SCAPER: variants seen among roughly 807,000 people sequenced by gnomAD.
SCAPER encodes S phase cyclin A-associated protein in the endoplasmic reticulum.
A neutral mutation model predicts 182.2 loss-of-function variants in SCAPER; 98 were observed. The ratio of observed to expected loss-of-function variants is 0.54; its 90% confidence interval spans 0.46 to 0.64. The LOEUF is 0.64. Among genes scored for constraint, SCAPER ranks in the 30% least tolerant of loss-of-function variants. SCAPER has a pLI of 0.00. For synonymous variants in SCAPER, 605 were observed against 564.6 expected (o/e 1.07, Z -1.01); for missense variants, 1,432 against 1,690.0 (o/e 0.85, Z 2.68).
intron 5 of SCAPER, among the ~76,000 whole-genome samples, chr15:76,805,618 G>GGC (rs1331788033): frequency 6.8e-6 from 1 of 147,470 alleles, no homozygotes; most frequent in Non-Finnish European, 1.5e-5. Flanking sequence ...GGAGTGCAGT[G>GGC]GCGTGATCTC....
chr15:76,681,970 C>G (rs1407422547), intron 20 of SCAPER, among the ~76,000 whole-genome samples: 1 of 152,186 alleles, frequency 6.6e-6, no homozygotes, highest in African/African-American at 2.4e-5. Context: ...CCATGAGACA[C>G]AGGCAGTCCC....
At chr15:76,789,281 T>C (rs560282267) in intron 8 of SCAPER, among the ~76,000 whole-genome samples, 3 of 152,008 alleles carry the variant, frequency 2.0e-5, no homozygotes, top group Non-Finnish European at 4.4e-5. Flanking sequence ...AAACCACACA[T>C]ACCAAGAGGA....
Position 76,348,500 on chromosome 15 carries a change from A to G in SCAPER, c.*133T>C. On this transcript the variant is annotated 3_prime_UTR_variant, in exon 32 of 32. Coordinates refer to ENST00000563290, the MANE Select transcript of SCAPER (RefSeq NM_020843.4). ...TCTACAGTCATTATAAATAGTGTAA[A>G]GTACATGCCATATCTACAGTGTGGG... The G allele has an allele frequency of 1.8e-6, 1 of 559,880 alleles. No homozygotes were observed. The highest frequency in any genetic ancestry group is 3.1e-6 in the Non-Finnish European group (1 of 320,552). The allele number at this position is 559,880 out of a possible 1,614,324, so 34.7% of individuals were successfully genotyped here.
intron 2 of SCAPER, among the ~76,000 whole-genome samples, chr15:76,862,784 T>G (rs2071980137): frequency 1.3e-5 from 2 of 152,152 alleles, no homozygotes; most frequent in South Asian, 4.1e-4. Context: ...AAAAGTGGCC[T>G]AAAGAGCACC....
At position 76,359,878 on chromosome 15, in the gene SCAPER, A is replaced by T. The variant is rs1311084369; in HGVS notation, c.3856-5738T>A. On this transcript the variant is annotated intron_variant, in intron 29 of 31. Coordinates refer to ENST00000563290, the MANE Select transcript of SCAPER (RefSeq NM_020843.4). ...TTACTGGAATGAATGAAATAAAGTG[A>T]CAGGGGGCCCCTAGTTAACAAACTA... 2.0e-5 allele frequency among the ~76,000 whole-genome samples: 3 copies of T among 152,328 alleles called. No individual in the cohort carries two copies. In the East Asian group the frequency reaches 5.8e-4, roughly 29 times the overall value.
chr15:76,713,588 A>G (rs962333024), intron 17 of SCAPER, among the ~76,000 whole-genome samples: 2 of 151,474 alleles, frequency 1.3e-5, no homozygotes, highest in African/African-American at 4.9e-5. Flanking sequence ...ATGAGAACAC[A>G]TGGACACAGG....
intron 8 of SCAPER, among the ~76,000 whole-genome samples, chr15:76,778,271 GGAGA>G (rs1301057337): frequency 6.6e-6 from 1 of 152,088 alleles, no homozygotes; most frequent in African/African-American, 2.4e-5. Flanking sequence ...TTTTAAAAAT[GGAGA>G]GAGTTAAGGA....
At chr15:76,880,439 G>A (rs1019205652) in intron 2 of SCAPER, among the ~76,000 whole-genome samples, 5 of 152,170 alleles carry the variant, frequency 3.3e-5, no homozygotes, top group African/African-American at 1.2e-4. Context: ...GTAGGCTTAT[G>A]GGAAATGTAC....
At chr15:76,691,511 G>C (rs1484102599) in intron 20 of SCAPER, among the ~76,000 whole-genome samples, 1 of 151,986 alleles carries the variant, frequency 6.6e-6, no homozygotes, top group African/African-American at 2.4e-5. Context: ...GAGAAATATG[G>C]CAATTTTGAA....
At chr15:76,780,634 C>A (rs926094651) in intron 8 of SCAPER, among the ~76,000 whole-genome samples, 2 of 152,200 alleles carry the variant, frequency 1.3e-5, no homozygotes, top group Non-Finnish European at 2.9e-5. Flanking sequence ...TAGGGGCCAA[C>A]AGACACCTCA....
intron 27 of SCAPER, among the ~76,000 whole-genome samples, chr15:76,391,536 C>A (rs2043697073): frequency 6.6e-6 from 1 of 152,068 alleles, no homozygotes; most frequent in African/African-American, 2.4e-5. Flanking sequence ...GCAAGGCATG[C>A]CAAAGGAATG....
At chr15:76,698,129 T>A (rs1451495793) in intron 20 of SCAPER, among the ~76,000 whole-genome samples, 1 of 152,042 alleles carries the variant, frequency 6.6e-6, no homozygotes, top group African/African-American at 2.4e-5. Flanking sequence ...CTATTCTCTC[T>A]TAAACTACTC....
At chr15:76,550,250 T>C (rs1390624163) in intron 23 of SCAPER, among the ~76,000 whole-genome samples, 2 of 152,310 alleles carry the variant, frequency 1.3e-5, no homozygotes, top group East Asian at 1.9e-4. Context: ...GTCTGTTACA[T>C]AGGTAAGTGT....
chr15:76,858,517 G>A (rs571923301), intron 3 of SCAPER, among the ~76,000 whole-genome samples: 9 of 151,898 alleles, frequency 5.9e-5, no homozygotes, highest in African/African-American at 2.2e-4. Flanking sequence ...TGCTATACAG[G>A]CAAATTACGT....
intron 25 of SCAPER, among the ~76,000 whole-genome samples, chr15:76,457,000 A>C (rs144220871): frequency 1.4e-3 from 209 of 151,298 alleles, no homozygotes; most frequent in African/African-American, 5.0e-3. Context: ...ATGTAGATAG[A>C]GCACATGGTT....
rs1488086029 is a variant in SCAPER, at chr15:76,680,567, T to C, written c.2509-14778A>G. On this transcript the variant is annotated intron_variant, in intron 20 of 31. Transcript: ENST00000563290. ...CCCTAATGTTGGAGGTGGGGCATACTGGGAAGTTATTGGGTGATGGGGGTG... is the reference window on the plus strand; with the variant it reads ...CCCTAATGTTGGAGGTGGGGCATACCGGGAAGTTATTGGGTGATGGGGGTG... Among the ~76,000 whole-genome samples the C allele has an allele frequency of 2.0e-5, 3 of 152,124 alleles. No individual in the cohort carries two copies. In the East Asian group the frequency reaches 5.8e-4, roughly 29 times the overall value.
intron 27 of SCAPER, among the ~76,000 whole-genome samples, chr15:76,392,785 G>A (rs925957432): frequency 2.6e-5 from 4 of 152,116 alleles, no homozygotes; most frequent in Non-Finnish European, 5.9e-5. Flanking sequence ...CCTAACCTTT[G>A]CTCTTCAACA....
chr15:76,424,549 T>C (rs1468158499), intron 26 of SCAPER, among the ~76,000 whole-genome samples: 1 of 152,326 alleles, frequency 6.6e-6, no homozygotes, highest in Non-Finnish European at 1.5e-5. Flanking sequence ...TACAGCACAT[T>C]GATGGGTCTT....
intron 1 of SCAPER, among the ~76,000 whole-genome samples, chr15:76,894,836 G>A (rs1042052421): frequency 6.6e-6 from 1 of 152,056 alleles, no homozygotes; most frequent in Non-Finnish European, 1.5e-5. Context: ...ACTGAATCAT[G>A]AAGAAATAAA....
Sources: gnomAD v4.1 joint callset for allele counts (sites outside exome capture counted in the v4.1 genomes callset) on GRCh38, gnomAD v4.1.1 for gene constraint, MANE v1.5 for transcripts, NCBI Gene and HGNC (gene_info 2026-07-23, HGNC 2026-07-21) for gene names.